The following PXT1 variants were observed in gnomAD, a reference collection of about 807,000 sequenced individuals.
PXT1 encodes the protein peroxisomal testis enriched protein 1, also known as peroxisomal testis-specific protein 1.
A neutral mutation model predicts 11.0 loss-of-function variants in PXT1; 11 were observed. That is an observed-to-expected ratio of 1.00 (90% CI 0.63 to 1.66). The LOEUF (loss-of-function observed/expected upper bound fraction) is 1.66, where lower values mean the gene tolerates loss of function less well. Among genes scored for constraint, PXT1 ranks in the 40% most tolerant of loss-of-function variants. The pLI is 0.00. For missense variants in PXT1, 141 were observed against 155.5 expected (o/e 0.91, Z 0.49); for synonymous variants, 43 against 51.4 (o/e 0.84, Z 0.70).
At chr6:36,410,754 G>A (rs527549804) in intron 3 of PXT1, among the ~76,000 whole-genome samples, 23 of 152,224 alleles carry the variant, frequency 1.5e-4, no homozygotes, top group South Asian at 6.2e-4. Context: ...TGGCATTTGC[G>A]GGACATGGAG....
chr6:36,428,320 C>G (rs999324335), intron 2 of PXT1, among the ~76,000 whole-genome samples: 6 of 150,900 alleles, frequency 4.0e-5, no homozygotes, highest in Non-Finnish European at 2.9e-5. Flanking sequence ...TGGCACGCAC[C>G]TGTAGTCCCA....
At chr6:36,410,680 C>T (rs1325278247) in intron 3 of PXT1, among the ~76,000 whole-genome samples, 1 of 152,108 alleles carries the variant, frequency 6.6e-6, no homozygotes, top group East Asian at 1.9e-4. Context: ...GAGGTCAAAC[C>T]CTGTGGTGAA....
chr6:36,406,790 G>A (rs1398886617), intron 3 of PXT1, among the ~76,000 whole-genome samples: 5 of 143,882 alleles, frequency 3.5e-5, no homozygotes, highest in East Asian at 2.1e-4. Context: ...TAGCCTGGGC[G>A]ACAGAGTGAG....
intron 2 of PXT1, among the ~76,000 whole-genome samples, chr6:36,438,298 T>C (rs1050030121): frequency 6.6e-6 from 1 of 152,222 alleles, no homozygotes; most frequent in African/African-American, 2.4e-5. Flanking sequence ...CCCAATAAAA[T>C]AAAACATATA....
chr6:36,400,361 A>C, intron 4 of PXT1, 93 bp downstream of exon 4: 1 of 1,416,744 alleles, frequency 7.1e-7, no homozygotes. Context: ...TAATTCTGAT[A>C]ATTCCTGGGC....
intron 4 of PXT1, among the ~76,000 whole-genome samples, chr6:36,396,454 G>C (rs1195472783): frequency 2.0e-5 from 3 of 152,210 alleles, no homozygotes; most frequent in African/African-American, 7.2e-5. Context: ...CCACTGCCTG[G>C]CCTCTCTCTG....
intron 3 of PXT1, among the ~76,000 whole-genome samples, chr6:36,411,088 A>T (rs1774366793): frequency 6.6e-6 from 1 of 152,226 alleles, no homozygotes; most frequent in African/African-American, 2.4e-5. Flanking sequence ...TTTCAACAGC[A>T]TTATTTACCT....
chr6:36,435,373 G>A (rs1374582210), intron 2 of PXT1, among the ~76,000 whole-genome samples: 1 of 151,976 alleles, frequency 6.6e-6, no homozygotes. Context: ...GCCTGGCCAA[G>A]ATAGGTAGAC....
chr6:36,427,997 TTG>T (rs1478090336), intron 2 of PXT1, among the ~76,000 whole-genome samples: 1 of 152,082 alleles, frequency 6.6e-6, no homozygotes, highest in Non-Finnish European at 1.5e-5. Flanking sequence ...AAATGAGGTG[TTG>T]TGGGTTTCTG....
chr6:36,404,684 G>T (rs565092602), intron 3 of PXT1, among the ~76,000 whole-genome samples: 1 of 151,902 alleles, frequency 6.6e-6, no homozygotes, highest in Non-Finnish European at 1.5e-5. Context: ...GGAGCTGGGC[G>T]CAGTGGCTCA....
rs1487431095 is a variant in PXT1 at position 36,411,309 on chromosome 6, G to A, written c.170-10725C>T. 7.2e-5 allele frequency among the ~76,000 whole-genome samples: 11 copies of A among 152,150 alleles called. No homozygotes were observed. In the East Asian group the frequency reaches 1.9e-3, roughly 27 times the overall value. ...CTACTAAAAATACAAAAATTAGCTG[G>A]GCATGGTGGTGCACACCTGTAATCC... On this transcript the variant is annotated intron_variant, in intron 3 of 4. Coordinates refer to ENST00000454782, the MANE Select transcript of PXT1 (RefSeq NM_152990.4).
intron 2 of PXT1, among the ~76,000 whole-genome samples, chr6:36,435,250 C>G (rs1488408883): frequency 6.6e-6 from 1 of 152,118 alleles, no homozygotes; most frequent in Non-Finnish European, 1.5e-5. Flanking sequence ...AACCCCATCT[C>G]TACAAAAAAT....
chr6:36,442,420 G>A (rs1280734411), intron 1 of PXT1, 115 bp downstream of exon 1: 1 of 152,150 alleles, frequency 6.6e-6, no homozygotes, highest in African/African-American at 2.4e-5. Flanking sequence ...ATAGGACATG[G>A]ACCATATATA....
intron 2 of PXT1, among the ~76,000 whole-genome samples, chr6:36,427,997 T>G (rs1356314566): frequency 6.6e-6 from 1 of 152,082 alleles, no homozygotes; most frequent in Non-Finnish European, 1.5e-5. Flanking sequence ...AAATGAGGTG[T>G]TGTGGGTTTC....
rs1332702237 is a variant in PXT1, at chr6:36,391,553, C to T, written c.*217G>A. ...GTCCTAATTACTCCTTGGGCTTTAC[C>T]GTGATGTGATCGCAGACATCTCATA... On this transcript the variant is annotated 3_prime_UTR_variant, in exon 5 of 5. Coordinates refer to ENST00000454782, the MANE Select transcript of PXT1 (RefSeq NM_152990.4). 7 of 558,446 alleles carry T rather than the reference C, an allele frequency of 1.3e-5. No homozygotes were observed. The highest frequency in any genetic ancestry group is 3.8e-5 in the African/African-American group (2 of 52,776). 34.6% of individuals were successfully genotyped at this position (558,446 alleles called of 1,614,324 possible).
intron 2 of PXT1, among the ~76,000 whole-genome samples, chr6:36,437,659 G>T (rs1206654043): frequency 6.8e-6 from 1 of 147,474 alleles, no homozygotes; most frequent in Non-Finnish European, 1.5e-5. Flanking sequence ...GACTACAGGC[G>T]CCCGCCACCA....
At chr6:36,415,355 A>G (rs1410473889) in intron 3 of PXT1, among the ~76,000 whole-genome samples, 1 of 152,116 alleles carries the variant, frequency 6.6e-6, no homozygotes, top group Non-Finnish European at 1.5e-5. Flanking sequence ...GAGGTAGAAG[A>G]ATTACTTGAA....
chr6:36,423,218 G>A (rs1774547079), intron 3 of PXT1, among the ~76,000 whole-genome samples: 1 of 152,224 alleles, frequency 6.6e-6, no homozygotes, highest in Non-Finnish European at 1.5e-5. Flanking sequence ...GAGGGGAGAG[G>A]TGGACCTCCT....
intron 1 of PXT1, among the ~76,000 whole-genome samples, chr6:36,439,179 G>C (rs1348616295): frequency 2.0e-5 from 3 of 151,844 alleles, no homozygotes; most frequent in Non-Finnish European, 4.4e-5. Flanking sequence ...TGTATTTTTA[G>C]TAGAGACGGG....
Sources: gnomAD v4.1 joint callset for allele counts (sites outside exome capture counted in the v4.1 genomes callset) on GRCh38, gnomAD v4.1.1 for gene constraint, MANE v1.5 for transcripts, NCBI Gene and HGNC (gene_info 2026-07-23, HGNC 2026-07-21) for gene names.